RTEL1: variants seen among roughly 807,000 people sequenced by gnomAD.
RTEL1 encodes regulator of telomere elongation helicase 1.
Under a neutral mutation model 162.2 loss-of-function variants are expected in RTEL1, and 86 were observed. That is an observed-to-expected ratio of 0.53 (90% CI 0.45 to 0.63). The LOEUF (loss-of-function observed/expected upper bound fraction) is 0.63, where lower values mean the gene tolerates loss of function less well. Among genes scored for constraint, RTEL1 ranks in the 30% least tolerant of loss-of-function variants. The probability of loss-of-function intolerance (pLI) is 0.00; values close to 1 mark genes in which losing one functional copy is unlikely to be tolerated. For synonymous variants in RTEL1, 958 were observed against 717.9 expected, an observed-to-expected ratio of 1.33 and a Z score of -5.35; for missense variants, 1,941 against 1,750.2, an observed-to-expected ratio of 1.11 and a Z score of -1.95.
At chr20:63,664,112 G>A (rs2090075171) in intron 6 of RTEL1, among the ~76,000 whole-genome samples, 1 of 152,166 alleles carries the variant, frequency 6.6e-6, no homozygotes. Context: ...CTTTTTGTTG[G>A]TCCTAAGAAG....
chr20:63,693,501 A>ACCACCACCACCACCT (rs2090849483), intron 30 of RTEL1, among the ~76,000 whole-genome samples: 1 of 17,736 alleles, frequency 5.6e-5, no homozygotes, highest in East Asian at 1.1e-3. Context: ...CTCCACCTCC[A>ACCACCACCACCACCT]CCACCACCTC....
rs2146155944 is a variant in RTEL1 at position 63,662,902 on chromosome 20, G to C, written c.538+13G>C. On this transcript the variant is annotated intron_variant, in intron 6 of 34. Coordinates refer to ENST00000360203, the MANE Select transcript of RTEL1 (RefSeq NM_001283009.2). ...AACAACGTAGAAGGTACAAGCAGCT[G>C]GGTGGGACCAGGGTCGGGTTGGAGT... The C allele has an allele frequency of 3.1e-6, 5 of 1,613,450 alleles. No homozygotes were observed. Among genetic ancestry groups the C allele is most frequent in the Non-Finnish European group, 4.2e-6 (5 of 1,179,536 alleles).
In RTEL1 at chr20:63,681,744, C is replaced by T. The variant is rs567532566; in HGVS notation, c.1191+1025C>T. On this transcript the variant is annotated intron_variant, in intron 14 of 34. Coordinates refer to ENST00000360203, the MANE Select transcript of RTEL1 (RefSeq NM_001283009.2). ...AGGGTGGTGGGGCCCAGGCTCAGCC[C>T]TCCCTCCACTGTGGCCGTCTCTGTG... The T allele has an allele frequency of 3.0e-5, 30 of 985,334 alleles. No homozygotes were observed. In the South Asian group the frequency reaches 1.3e-3, roughly 42 times the overall value. The allele number at this position is 985,334 out of a possible 1,614,324, so 61.0% of individuals were successfully genotyped here.
chr20:63,681,023 G>T, intron 14 of RTEL1: 17 of 985,408 alleles, frequency 1.7e-5, no homozygotes, highest in Non-Finnish European at 1.9e-5. Context: ...AGGCCAGGGG[G>T]GACCCACTGC....
At chr20:63,685,707 T>G (rs2145411958) in intron 15 of RTEL1, 84 bp from the exon 16 acceptor site, 1 of 1,582,852 alleles carries the variant, frequency 6.3e-7, no homozygotes, top group Non-Finnish European at 8.6e-7. Flanking sequence ...CAGGTGGGGC[T>G]GGGGGTCTTC....
intron 8 of RTEL1, among the ~76,000 whole-genome samples, chr20:63,667,883 G>A (rs538997021): frequency 6.6e-6 from 1 of 152,104 alleles, no homozygotes; most frequent in South Asian, 2.1e-4. Flanking sequence ...GAGGCACCGA[G>A]AACACAGGAA....
At chr20:63,658,983 G>A (rs1390118834) in intron 1 of RTEL1, among the ~76,000 whole-genome samples, 1 of 152,254 alleles carries the variant, frequency 6.6e-6, no homozygotes, top group Non-Finnish European at 1.5e-5. Context: ...TCTTGTGGAA[G>A]TCGCGGAATT....
At chr20:63,672,413 A>G (rs1480544253) in intron 8 of RTEL1, 143 bp from the exon 9 acceptor site, 1 of 687,342 alleles carries the variant, frequency 1.5e-6, no homozygotes, top group East Asian at 2.7e-5. Flanking sequence ...CAGGTCATCC[A>G]GGTCTGGCCT....
Position 63,692,950 on chromosome 20 carries a change from C to A in RTEL1, c.2798C>A (p.Ala933Asp). ...TCCGATGACTTCGCCGCCCTGGCCG[C>A]CTGTCTCGGCCCCCTCTTTGCTGAG... ...KGSDDFAALAACLGPLFAEDP... is the reference protein window; with the variant it reads ...KGSDDFAALADCLGPLFAEDP... Residue 933 changes from alanine (A) to aspartate (D), a missense_variant, in exon 29 of 35, where the codon GCC (alanine) becomes GAC (aspartate). Physicochemically the swap from Ala to Asp is moderately radical, Grantham distance 126. Coordinates refer to ENST00000360203, the MANE Select transcript of RTEL1 (RefSeq NM_001283009.2). 3 of 1,612,674 alleles carry A rather than the reference C, an allele frequency of 1.9e-6. No homozygotes were observed. Among genetic ancestry groups the A allele is most frequent in the Non-Finnish European group, 2.5e-6 (3 of 1,179,868 alleles).
chr20:63,665,908 C>T lies in RTEL1; in HGVS notation c.539-96C>T, dbSNP rs758013011. The T allele has an allele frequency of 3.9e-4, 448 of 1,162,424 alleles. 2 individuals carry two copies. The Middle Eastern group carries it at 4.2e-3, about 11-fold the overall frequency. 72.0% of individuals were successfully genotyped at this position (1,162,424 alleles called of 1,614,324 possible). On this transcript the variant is annotated intron_variant, in intron 6 of 34. Coordinates refer to ENST00000360203, the MANE Select transcript of RTEL1 (RefSeq NM_001283009.2). The stretch of plus-strand genomic sequence containing the variant: ...TTGGTGGGGGACGCCCAGCCCTGCC[C>T]GCCGTGTAGGAGCCGTTCTGTCCTG...
rs567818029 is a variant in RTEL1 at position 63,667,811 on chromosome 20, A to G, written c.699+258A>G. 2.6e-5 allele frequency among the ~76,000 whole-genome samples: 4 copies of G among 152,192 alleles called. No individual in the cohort carries two copies. The East Asian group carries it at 7.7e-4, about 29-fold the overall frequency. On this transcript the variant is annotated intron_variant, in intron 8 of 34. Transcript: ENST00000360203. Reference sequence around the variant, plus strand: ...AGGAGAGACCTCCAGGCTGTGGTCCATAGGCCAGTGCCCGCTCTTGATCCT... The same window carrying G: ...AGGAGAGACCTCCAGGCTGTGGTCCGTAGGCCAGTGCCCGCTCTTGATCCT...
chr20:63,694,289 T>A (rs2090907652), intron 30 of RTEL1, 83 bp from the exon 31 acceptor site: 6 of 1,165,710 alleles, frequency 5.1e-6, no homozygotes, highest in Non-Finnish European at 7.7e-6. Flanking sequence ...AGGCCTGGCC[T>A]CCCTAGCCAG....
intron 10 of RTEL1, 80 bp from the exon 11 acceptor site, chr20:63,678,065 C>A: frequency 6.5e-7 from 1 of 1,538,582 alleles, no homozygotes; most frequent in Non-Finnish European, 9.0e-7. Flanking sequence ...TTTTTCCATG[C>A]CAGGAATCCT....
Position 63,690,243 on chromosome 20 carries a change from T to A in RTEL1, c.2265+33T>A, listed in dbSNP as rs753652504. The A allele has an allele frequency of 2.5e-6, 4 of 1,608,626 alleles. No homozygotes were observed. In the African/African-American group the frequency reaches 4.0e-5, roughly 16 times the overall value. ...CCTGCCCAGGGAGGGGATGAGGGTG[T>A]TGTCCCCAGAGGAGCCAGAAATGGG... On this transcript the variant is annotated intron_variant, in intron 25 of 34. Coordinates refer to ENST00000360203, the MANE Select transcript of RTEL1 (RefSeq NM_001283009.2).
At position 63,694,721 on chromosome 20, in the gene RTEL1, C is replaced by T; in HGVS notation, c.3110-20C>T. On this transcript the variant is annotated intron_variant, in intron 31 of 34. Coordinates refer to ENST00000360203, the MANE Select transcript of RTEL1 (RefSeq NM_001283009.2). The stretch of plus-strand genomic sequence containing the variant: ...TCCTCCACCCCAGCGCCACTCTGAG[C>T]CATGCTACTCCCACACCAGGAGACC... 6.3e-7 allele frequency: 1 copy of T among 1,574,878 alleles called. No homozygotes were observed. Among genetic ancestry groups the T allele is most frequent in the South Asian group, 1.1e-5 (1 of 89,174 alleles).
intron 4 of RTEL1, 64 bp downstream of exon 4, chr20:63,662,007 A>G (rs2146151261): frequency 8.2e-7 from 1 of 1,213,524 alleles, no homozygotes; most frequent in Non-Finnish European, 1.2e-6. Context: ...CATGGTGCTG[A>G]GTCCACAGCC....
chr20:63,671,358 T>C (rs1331008494), intron 8 of RTEL1, among the ~76,000 whole-genome samples: 1 of 151,920 alleles, frequency 6.6e-6, no homozygotes, highest in African/African-American at 2.4e-5. Context: ...CGCACCCGGC[T>C]GGACCTACTG....
rs200449854 is a variant in RTEL1 at position 63,685,510 on chromosome 20, C to T, written c.1192-13C>T. The T allele has an allele frequency of 3.8e-4, 605 of 1,611,744 alleles. No homozygotes were observed. The highest frequency in any genetic ancestry group is 4.9e-4 in the Non-Finnish European group (582 of 1,179,668). On this transcript the variant is annotated splice_polypyrimidine_tract_variant and intron_variant, in intron 14 of 34. Coordinates refer to ENST00000360203, the MANE Select transcript of RTEL1 (RefSeq NM_001283009.2). ...CAGGCTCCTGACGGGGCTGCACTTC[C>T]TCTGCCTTTCAGATTGTGTTCAGTG... is the stretch of plus-strand genomic sequence containing the variant.
intron 7 of RTEL1, 131 bp downstream of exon 7, chr20:63,666,210 G>T: frequency 1.4e-6 from 1 of 736,332 alleles, no homozygotes; most frequent in Non-Finnish European, 2.2e-6. Flanking sequence ...CCACCATTCA[G>T]TACGAAAAAG....
Sources: gnomAD v4.1 joint callset for allele counts (sites outside exome capture counted in the v4.1 genomes callset) on GRCh38, gnomAD v4.1.1 for gene constraint, MANE v1.5 for transcripts, NCBI Gene and HGNC (gene_info 2026-07-23, HGNC 2026-07-21) for gene names.